The following RBFOX1 variants were observed in gnomAD, a reference collection of about 807,000 sequenced individuals.
The protein encoded by RBFOX1 is RNA binding protein fox-1 homolog 1.
In RBFOX1, 8 loss-of-function variants were observed where a neutral mutation model predicts 57.7. The observed-to-expected ratio is 0.14, with a 90% CI of 0.08 to 0.25. The LOEUF (loss-of-function observed/expected upper bound fraction) is 0.25, where lower values mean the gene tolerates loss of function less well. Among genes scored for constraint, RBFOX1 ranks in the 10% least tolerant of loss-of-function variants. RBFOX1 has a pLI of 1.00. For synonymous variants in RBFOX1, 326 were observed against 222.4 expected, an observed-to-expected ratio of 1.47 and a Z score of -4.15; for missense variants, 611 against 548.5, an observed-to-expected ratio of 1.11 and a Z score of -1.14.
chr16:5,466,165 CAG>C (rs2068947080), intron 1 of RBFOX1, among the ~76,000 whole-genome samples: 1 of 152,196 alleles, frequency 6.6e-6, no homozygotes, highest in African/African-American at 2.4e-5. Context: ...AAGCTTGCGT[CAG>C]AGAGAGAAAG....
At chr16:7,026,775 G>A (rs966445124) in intron 3 of RBFOX1, among the ~76,000 whole-genome samples, 4 of 152,172 alleles carry the variant, frequency 2.6e-5, no homozygotes, top group African/African-American at 9.7e-5. Context: ...CTGCCAGAGG[G>A]CACTATGCCA....
intron 12 of RBFOX1, among the ~76,000 whole-genome samples, chr16:7,662,527 C>G (rs1406418165): frequency 6.6e-6 from 1 of 152,120 alleles, no homozygotes; most frequent in Non-Finnish European, 1.5e-5. Flanking sequence ...TGTCCATCTT[C>G]TAGGTAACAA....
intron 3 of RBFOX1, among the ~76,000 whole-genome samples, chr16:6,993,085 G>C (rs943879941): frequency 1.2e-4 from 18 of 152,104 alleles, no homozygotes; most frequent in Admixed American, 1.1e-3. Flanking sequence ...AATTTCTTTT[G>C]TTAGTCTACT....
chr16:5,934,985 T>C (rs1453570112), intron 4 of RBFOX1, among the ~76,000 whole-genome samples: 1 of 152,160 alleles, frequency 6.6e-6, no homozygotes, highest in African/African-American at 2.4e-5. Context: ...CCCAGAGAGA[T>C]CAGTCCTGCA....
At chr16:6,820,767 CAG>C (rs947210669) in intron 3 of RBFOX1, among the ~76,000 whole-genome samples, 2 of 152,110 alleles carry the variant, frequency 1.3e-5, no homozygotes, top group African/African-American at 2.4e-5. Context: ...GATGCTAAGT[CAG>C]AGACTTATTA....
At chr16:7,567,109 A>C in intron 5 of RBFOX1, among the ~76,000 whole-genome samples, 1 of 149,366 alleles carries the variant, frequency 6.7e-6, no homozygotes, top group South Asian at 2.1e-4. Context: ...ATATATGTAT[A>C]TCCATATATA....
intron 3 of RBFOX1, among the ~76,000 whole-genome samples, chr16:6,823,759 C>T (rs182555586): frequency 6.6e-5 from 10 of 152,112 alleles, no homozygotes; most frequent in African/African-American, 2.2e-4. Context: ...TAAATATCAG[C>T]CACTGTTCTA....
At chr16:6,537,227 C>T (rs2096747668) in intron 2 of RBFOX1, among the ~76,000 whole-genome samples, 2 of 152,088 alleles carry the variant, frequency 1.3e-5, no homozygotes, top group South Asian at 4.2e-4. Context: ...AATAAGCTTC[C>T]AGGTGTTGTT....
intron 4 of RBFOX1, among the ~76,000 whole-genome samples, chr16:7,403,569 C>CT (rs1280058852): frequency 1.4e-5 from 2 of 146,668 alleles, no homozygotes; most frequent in African/African-American, 2.5e-5. Flanking sequence ...GAATCCCCCC[C>CT]CCCCCACTTT....
chr16:6,114,638 C>G (rs544688376), intron 1 of RBFOX1, among the ~76,000 whole-genome samples: 16 of 151,916 alleles, frequency 1.1e-4, no homozygotes, highest in African/African-American at 3.6e-4. Flanking sequence ...TTTTATGAGA[C>G]AAACAATGAT....
intron 4 of RBFOX1, among the ~76,000 whole-genome samples, chr16:7,443,225 G>C (rs1006119461): frequency 1.1e-4 from 17 of 152,040 alleles, no homozygotes; most frequent in African/African-American, 3.1e-4. Flanking sequence ...AATATTAAAA[G>C]CTGCCAACAA....
chr16:6,026,572 G>T (rs2095199538), intron 1 of RBFOX1, among the ~76,000 whole-genome samples: 1 of 152,230 alleles, frequency 6.6e-6, no homozygotes, highest in African/African-American at 2.4e-5. Flanking sequence ...AGTGGTTAGG[G>T]AGCTCTTGCT....
intron 3 of RBFOX1, among the ~76,000 whole-genome samples, chr16:6,751,212 T>C (rs2074871887): frequency 6.6e-6 from 1 of 152,040 alleles, no homozygotes; most frequent in Admixed American, 6.6e-5. Flanking sequence ...AGGACAAGGG[T>C]ATTGAGCTCT....
chr16:6,954,745 C>T (rs1463763751), intron 3 of RBFOX1, among the ~76,000 whole-genome samples: 1 of 152,010 alleles, frequency 6.6e-6, no homozygotes, highest in Non-Finnish European at 1.5e-5. Flanking sequence ...AGAGAACATG[C>T]CCTCCAGAGG....
intron 3 of RBFOX1, among the ~76,000 whole-genome samples, chr16:5,821,664 A>G (rs550906536): frequency 6.6e-6 from 1 of 152,290 alleles, no homozygotes; most frequent in South Asian, 2.1e-4. Context: ...TGCTGTAACA[A>G]AATTCCTGAG....
chr16:7,495,278 T>A (rs961333089), intron 4 of RBFOX1, among the ~76,000 whole-genome samples: 1 of 152,260 alleles, frequency 6.6e-6, no homozygotes, highest in African/African-American at 2.4e-5. Flanking sequence ...GTGATTAACA[T>A]ACTTGTGCAG....
chr16:6,023,096 T>C (rs1224920931), intron 1 of RBFOX1, among the ~76,000 whole-genome samples: 3 of 152,100 alleles, frequency 2.0e-5, no homozygotes, highest in South Asian at 4.2e-4. Context: ...GGTATAAAGT[T>C]TCAGTAATGT....
At chr16:6,172,102 T>A (rs948826537) in intron 1 of RBFOX1, among the ~76,000 whole-genome samples, 4 of 152,114 alleles carry the variant, frequency 2.6e-5, no homozygotes, top group Non-Finnish European at 5.9e-5. Flanking sequence ...ATTACAGGCA[T>A]GAGCCACCGA....
intron 2 of RBFOX1, among the ~76,000 whole-genome samples, chr16:6,437,393 T>A (rs1375406743): frequency 6.6e-6 from 1 of 152,248 alleles, no homozygotes; most frequent in Non-Finnish European, 1.5e-5. Context: ...AAAACCAATT[T>A]GGATCTTTTA....
Sources: gnomAD v4.1 joint callset for allele counts (sites outside exome capture counted in the v4.1 genomes callset) on GRCh38, gnomAD v4.1.1 for gene constraint, MANE v1.5 for transcripts, NCBI Gene and HGNC (gene_info 2026-07-23, HGNC 2026-07-21) for gene names.